LINGO2: variants seen among roughly 807,000 people sequenced by gnomAD.
The protein encoded by LINGO2 is leucine-rich repeat and immunoglobulin-like domain-containing nogo receptor-interacting protein 2.
LINGO2 carries 14 observed loss-of-function variants against 30.6 expected under a neutral mutation model. The observed-to-expected ratio is 0.46, with a 90% confidence interval of 0.30 to 0.72. The LOEUF is 0.72. Among genes scored for constraint, LINGO2 ranks in the 30% least tolerant of loss-of-function variants. LINGO2 has a pLI of 0.07. For synonymous variants in LINGO2, 317 were observed against 288.5 expected (o/e 1.10, Z -1.00); for missense variants, 729 against 751.7 (o/e 0.97, Z 0.35).
the LINGO2 span, among the ~76,000 whole-genome samples, chr9:29,110,551 C>A: frequency 1.8e-4 from 28 of 151,924 alleles, no homozygotes; most frequent in African/African-American, 6.8e-4. Flanking sequence ...CCAGGATGAT[C>A]TTGATCTCCT....
At chr9:28,506,590 C>G (rs1373580567) in intron 1 of LINGO2, among the ~76,000 whole-genome samples, 1 of 132,150 alleles carries the variant, frequency 7.6e-6, no homozygotes, top group Non-Finnish European at 1.6e-5. Flanking sequence ...TCATCATGAT[C>G]TACTTCTTTA....
intron 1 of LINGO2, among the ~76,000 whole-genome samples, chr9:28,556,592 A>T (rs1281354179): frequency 1.3e-5 from 2 of 152,140 alleles, no homozygotes; most frequent in Admixed American, 6.5e-5. Flanking sequence ...TACAGATTCA[A>T]TGCCATCCCC....
At chr9:28,772,917 T>C in the LINGO2 span, among the ~76,000 whole-genome samples, 4 of 152,176 alleles carry the variant, frequency 2.6e-5, no homozygotes, top group Admixed American at 6.5e-5. Context: ...AGCACATCAC[T>C]GAAATGGAGC....
At chr9:29,152,048 C>A in the LINGO2 span, among the ~76,000 whole-genome samples, 1 of 152,146 alleles carries the variant, frequency 6.6e-6, no homozygotes, top group Admixed American at 6.5e-5. Context: ...AAGTGGCCAA[C>A]AAACATATGA....
intron 1 of LINGO2, among the ~76,000 whole-genome samples, chr9:28,530,573 T>C (rs1283310025): frequency 6.6e-6 from 1 of 152,144 alleles, no homozygotes; most frequent in Non-Finnish European, 1.5e-5. Context: ...AAGAAACTAC[T>C]GTGTGAAAAA....
At chr9:28,211,287 CTTTT>C (rs202167511) in intron 4 of LINGO2, among the ~76,000 whole-genome samples, 1 of 140,174 alleles carries the variant, frequency 7.1e-6, no homozygotes, top group African/African-American at 2.6e-5. Flanking sequence ...CTCCAAATTC[CTTTT>C]TTTTTTTTTT....
Position 28,301,107 on chromosome 9 carries a change from A to G in LINGO2, c.-245-5741T>C, listed in dbSNP as rs1014826804. Among the ~76,000 whole-genome samples, 25 of 152,196 alleles carry G rather than the reference A, an allele frequency of 1.6e-4. 1 individual carries two copies. Among genetic ancestry groups the G allele is most frequent in the Admixed American group, 9.8e-4 (15 of 15,280 alleles). On this transcript the variant is annotated intron_variant, in intron 3 of 5. Transcript: ENST00000379992. ...AGCCAAGTGTATCTCTTAAATGTAA[A>G]TATAGTGTGGCTGACTTTGACAAGG...
At chr9:28,778,768 G>T in the LINGO2 span, among the ~76,000 whole-genome samples, 13 of 152,078 alleles carry the variant, frequency 8.5e-5, no homozygotes, top group Non-Finnish European at 1.5e-4. Context: ...GTAACTCTCT[G>T]ATAGCTAAAA....
chr9:28,342,064 TCTC>T (rs1296027731), intron 3 of LINGO2, among the ~76,000 whole-genome samples: 2 of 152,096 alleles, frequency 1.3e-5, no homozygotes, highest in South Asian at 2.1e-4. Flanking sequence ...TGGGGAAAGT[TCTC>T]CTTCTTCTAA....
the LINGO2 span, among the ~76,000 whole-genome samples, chr9:28,994,658 T>G: frequency 1.3e-5 from 2 of 151,776 alleles, no homozygotes; most frequent in Non-Finnish European, 2.9e-5. Flanking sequence ...ATGGTACTGG[T>G]ACCAAAACAG....
the LINGO2 span, among the ~76,000 whole-genome samples, chr9:28,782,447 AG>A: frequency 6.6e-6 from 1 of 152,194 alleles, no homozygotes; most frequent in African/African-American, 2.4e-5. Flanking sequence ...TGGATAGTGT[AG>A]TCCCAGAGGA....
chr9:28,760,622 G>A, the LINGO2 span, among the ~76,000 whole-genome samples: 1 of 151,794 alleles, frequency 6.6e-6, no homozygotes, highest in African/African-American at 2.4e-5. Context: ...AGTGTACATT[G>A]CACCATATTT....
intron 5 of LINGO2, among the ~76,000 whole-genome samples, chr9:27,970,832 G>T (rs954010283): frequency 1.2e-4 from 18 of 151,704 alleles, no homozygotes; most frequent in Admixed American, 1.1e-3. Flanking sequence ...TGGAAACAGA[G>T]ATATAACCAT....
intron 1 of LINGO2, among the ~76,000 whole-genome samples, chr9:28,567,617 T>A (rs537696135): frequency 3.6e-4 from 55 of 151,918 alleles, no homozygotes; most frequent in Non-Finnish European, 6.9e-4. Context: ...GACATAAAGA[T>A]GTAAATAATA....
chr9:28,589,116 A>C (rs2135696273), intron 1 of LINGO2, among the ~76,000 whole-genome samples: 1 of 152,110 alleles, frequency 6.6e-6, no homozygotes, highest in East Asian at 1.9e-4. Context: ...CATGCTAAAA[A>C]CTCTCAATAA....
chr9:28,356,343 A>G (rs966524301), intron 3 of LINGO2, among the ~76,000 whole-genome samples: 1 of 152,130 alleles, frequency 6.6e-6, no homozygotes, highest in Non-Finnish European at 1.5e-5. Context: ...TTGTAGACCC[A>G]TACCCATGAG....
intron 4 of LINGO2, among the ~76,000 whole-genome samples, chr9:28,257,597 T>C (rs1428173736): frequency 6.6e-6 from 1 of 151,966 alleles, no homozygotes; most frequent in Non-Finnish European, 1.5e-5. Context: ...TTGGCAATGA[T>C]GGATATCTCA....
chr9:28,683,899 C>A, the LINGO2 span, among the ~76,000 whole-genome samples: 22 of 152,104 alleles, frequency 1.4e-4, 1 homozygote, highest in South Asian at 1.2e-3. Flanking sequence ...CGCATTGTAG[C>A]CATGTCTCAC....
the LINGO2 span, among the ~76,000 whole-genome samples, chr9:28,976,118 G>A: frequency 8.8e-4 from 134 of 152,170 alleles, no homozygotes; most frequent in African/African-American, 2.4e-3. Context: ...AAGTCCAAAC[G>A]CTTTTATCAG....
Sources: allele counts gnomAD v4.1 joint callset (sites outside exome capture counted in the v4.1 genomes callset), GRCh38; gene constraint gnomAD v4.1.1; transcripts MANE v1.5; gene names NCBI Gene and HGNC (gene_info 2026-07-23, HGNC 2026-07-21).